Variants in KCTD8 observed in about 807,000 individuals in gnomAD.
KCTD8 encodes the protein BTB/POZ domain-containing protein KCTD8.
Under a neutral mutation model 31.5 loss-of-function variants are expected in KCTD8, and 27 were observed. The observed-to-expected ratio is 0.86, with a 90% CI of 0.63 to 1.18. The LOEUF (loss-of-function observed/expected upper bound fraction) is 1.18. Among genes scored for constraint, KCTD8 ranks in the 50% most tolerant of loss-of-function variants. The pLI, the probability that KCTD8 is intolerant of heterozygous loss-of-function variation, is 0.00. For missense variants in KCTD8, 658 were observed against 647.7 expected (o/e 1.02, Z -0.17); for synonymous variants, 290 against 280.0 (o/e 1.04, Z -0.36).
chr4:44,367,867 T>C (rs966467458), intron 1 of KCTD8, among the ~76,000 whole-genome samples: 36 of 111,130 alleles, frequency 3.2e-4, no homozygotes, highest in Non-Finnish European at 6.4e-4. Context: ...TCTTAAATGA[T>C]GATAGGACCA....
At chr4:44,367,175 A>T (rs1719661857) in intron 1 of KCTD8, among the ~76,000 whole-genome samples, 3 of 151,332 alleles carry the variant, frequency 2.0e-5, no homozygotes, top group South Asian at 2.1e-4. Context: ...TATCCTCTAC[A>T]CCTTACCTCA....
At chr4:44,407,065 T>C (rs73247541) in intron 1 of KCTD8, among the ~76,000 whole-genome samples, 22,648 of 152,240 alleles carry the variant, frequency 0.15, 1,867 homozygotes, top group Non-Finnish European at 0.18. Context: ...TAACTATCAC[T>C]CTACAATTCT....
chr4:44,176,007 TCA>T (rs888359845), intron 1 of KCTD8, among the ~76,000 whole-genome samples: 3 of 152,194 alleles, frequency 2.0e-5, no homozygotes, highest in Admixed American at 2.0e-4. Context: ...TATTTCAAAT[TCA>T]CAGTGTGTTT....
At chr4:44,267,194 C>G (rs1560410580) in intron 1 of KCTD8, among the ~76,000 whole-genome samples, 1 of 152,194 alleles carries the variant, frequency 6.6e-6, no homozygotes, top group Admixed American at 6.5e-5. Flanking sequence ...AACAAATTGT[C>G]TCTCAGACCA....
intron 1 of KCTD8, among the ~76,000 whole-genome samples, chr4:44,251,580 A>T (rs1291550471): frequency 1.3e-5 from 2 of 151,446 alleles, no homozygotes; most frequent in Non-Finnish European, 3.0e-5. Flanking sequence ...TATTATAAAT[A>T]ATATTTGTCT....
chr4:44,405,470 AATGGT>A (rs1720770809), intron 1 of KCTD8, among the ~76,000 whole-genome samples: 1 of 151,870 alleles, frequency 6.6e-6, no homozygotes, highest in Non-Finnish European at 1.5e-5. Flanking sequence ...TGTTGGCCAG[AATGGT>A]CTCGATCTCT....
intron 1 of KCTD8, among the ~76,000 whole-genome samples, chr4:44,191,860 C>A: frequency 6.6e-6 from 1 of 152,200 alleles, no homozygotes; most frequent in East Asian, 1.9e-4. Flanking sequence ...CTTGTTTTCT[C>A]AAAAGCATGG....
At chr4:44,339,480 G>C (rs1658842095) in intron 1 of KCTD8, among the ~76,000 whole-genome samples, 2 of 151,974 alleles carry the variant, frequency 1.3e-5, no homozygotes, top group South Asian at 4.1e-4. Flanking sequence ...ATGATAAAAG[G>C]GTCAATCCAT....
intron 1 of KCTD8, among the ~76,000 whole-genome samples, chr4:44,443,946 A>G (rs945016653): frequency 1.3e-5 from 2 of 152,182 alleles, no homozygotes; most frequent in African/African-American, 4.8e-5. Flanking sequence ...AGAAAGCACA[A>G]TAAATCACTG....
chr4:44,189,845 C>G (rs1713710309), intron 1 of KCTD8, among the ~76,000 whole-genome samples: 1 of 152,140 alleles, frequency 6.6e-6, no homozygotes, highest in African/African-American at 2.4e-5. Flanking sequence ...CTTATGCTTT[C>G]TATTTTCCTA....
In KCTD8 at chr4:44,208,696, C is replaced by T. The variant is rs1460594559; in HGVS notation, c.962-33446G>A. Among the ~76,000 whole-genome samples the T allele has an allele frequency of 2.6e-5, 4 of 152,228 alleles. No individual in the cohort carries two copies. The East Asian group carries it at 7.7e-4, about 29-fold the overall frequency. ...TCTCAACTTCTTGCTCATATACTGC[C>T]CTGCCCTTCAATTCATATGTCCTCA... On this transcript the variant is annotated intron_variant, in intron 1 of 1. Coordinates refer to ENST00000360029, the MANE Select transcript of KCTD8 (RefSeq NM_198353.3).
intron 1 of KCTD8, among the ~76,000 whole-genome samples, chr4:44,252,860 G>C (rs1376677506): frequency 2.6e-5 from 4 of 151,616 alleles, no homozygotes; most frequent in African/African-American, 9.7e-5. Flanking sequence ...ATTGAAAAGA[G>C]GCACTTCCTT....
At chr4:44,303,342 C>A (rs908938528) in intron 1 of KCTD8, among the ~76,000 whole-genome samples, 9 of 152,078 alleles carry the variant, frequency 5.9e-5, no homozygotes, top group Middle Eastern at 3.4e-3. Context: ...GTGAATCCAT[C>A]TGGTCCTGGA....
chr4:44,315,030 T>G (rs1044007943), intron 1 of KCTD8, among the ~76,000 whole-genome samples: 2 of 151,870 alleles, frequency 1.3e-5, no homozygotes, highest in Non-Finnish European at 2.9e-5. Flanking sequence ...GCTTTAGATC[T>G]CCATTATTTG....
intron 1 of KCTD8, among the ~76,000 whole-genome samples, chr4:44,274,881 T>C (rs935229791): frequency 6.6e-6 from 1 of 151,926 alleles, no homozygotes; most frequent in Non-Finnish European, 1.5e-5. Context: ...TTTAATTAAC[T>C]TAGAGACTAG....
chr4:44,274,767 C>A (rs952178483), intron 1 of KCTD8, among the ~76,000 whole-genome samples: 16 of 151,718 alleles, frequency 1.1e-4, no homozygotes, highest in Admixed American at 2.6e-4. Context: ...CACCCTAATA[C>A]ATTGTATCTT....
At chr4:44,192,037 T>C (rs530264880) in intron 1 of KCTD8, among the ~76,000 whole-genome samples, 1 of 152,248 alleles carries the variant, frequency 6.6e-6, no homozygotes, top group Admixed American at 6.5e-5. Flanking sequence ...GCGGCCCAGC[T>C]GTAAAATTCC....
intron 1 of KCTD8, among the ~76,000 whole-genome samples, chr4:44,196,677 C>T (rs1713951167): frequency 6.6e-6 from 1 of 152,168 alleles, no homozygotes. Flanking sequence ...CCAGAAGAAG[C>T]TTCCTAATAC....
At chr4:44,362,242 T>C (rs1719516929) in intron 1 of KCTD8, among the ~76,000 whole-genome samples, 1 of 152,124 alleles carries the variant, frequency 6.6e-6, no homozygotes, top group Admixed American at 6.6e-5. Flanking sequence ...CAAATTTTGG[T>C]TGATTTTAGG....
Sources: allele counts gnomAD v4.1 joint callset (sites outside exome capture counted in the v4.1 genomes callset), GRCh38; gene constraint gnomAD v4.1.1; transcripts MANE v1.5; gene names NCBI Gene and HGNC (gene_info 2026-07-23, HGNC 2026-07-21).